CEP120: variants seen among roughly 807,000 people sequenced by gnomAD.
CEP120 encodes the protein centrosomal protein of 120 kDa.
Under a neutral mutation model 126.5 loss-of-function variants are expected in CEP120, and 113 were observed. The ratio of observed to expected loss-of-function variants is 0.89; its 90% CI spans 0.77 to 1.04. CEP120 has a LOEUF of 1.04. Among genes scored for constraint, CEP120 ranks in the 50% least tolerant of loss-of-function variants. The probability of loss-of-function intolerance (pLI) is 0.00; values close to 1 mark genes in which losing one functional copy is unlikely to be tolerated. For synonymous variants in CEP120, 400 were observed against 394.3 expected, an observed-to-expected ratio of 1.01 and a Z score of -0.17; for missense variants, 1,230 against 1,155.7, an observed-to-expected ratio of 1.06 and a Z score of -0.93.
At position 123,393,051 on chromosome 5, in the gene CEP120, T is replaced by A. The variant is rs537797460; in HGVS notation, c.810+249A>T. Among the ~76,000 whole-genome samples the A allele has an allele frequency of 3.3e-5, 5 of 152,214 alleles. No homozygotes were observed. The South Asian group carries it at 1.0e-3, about 32-fold the overall frequency. Reference sequence around the variant, plus strand: ...AATTTTTTTTATTGCAAAGGACTGATAACTGATATACCTCTTTTCTCAATT... The same window carrying A: ...AATTTTTTTTATTGCAAAGGACTGAAAACTGATATACCTCTTTTCTCAATT... On this transcript the variant is annotated intron_variant, in intron 6 of 19. Coordinates refer to ENST00000306467, the MANE Select transcript of CEP120 (RefSeq NM_001375405.1).
chr5:123,348,964 G>C (rs905115405), intron 19 of CEP120, among the ~76,000 whole-genome samples: 1 of 151,958 alleles, frequency 6.6e-6, no homozygotes, highest in Non-Finnish European at 1.5e-5. Flanking sequence ...CCCAGTCTGT[G>C]GTATTTTTTT....
chr5:123,379,590 G>T (rs552212174), intron 14 of CEP120, among the ~76,000 whole-genome samples: 1 of 151,804 alleles, frequency 6.6e-6, no homozygotes, highest in Non-Finnish European at 1.5e-5. Flanking sequence ...ACCAATAATG[G>T]ATCACTTAGG....
rs140232423 is a variant in CEP120, at chr5:123,382,814, G to C, written c.1936C>G (p.Arg646Gly). 1.3e-5 allele frequency: 21 copies of C among 1,613,216 alleles called. No individual in the cohort carries two copies. The highest frequency in any genetic ancestry group is 1.8e-5 in the Non-Finnish European group (21 of 1,179,626). The change falls in exon 13 of 20, where the codon CGT becomes GGT. Residue 646 changes from arginine (R) to glycine (G), a missense_variant. Physicochemically the swap from Arg to Gly is moderately radical, Grantham distance 125. Coordinates refer to ENST00000306467, the MANE Select transcript of CEP120 (RefSeq NM_001375405.1). ...PCPSEIQTEP[R>G]ETLEYKAALE... is the part of the protein sequence containing the mutation. ...GCTGCTTTGTATTCTAACGTTTCAC[G>C]AGGCTCTGTCTGGATCTCTGAAGGA...
intron 8 of CEP120, among the ~76,000 whole-genome samples, chr5:123,388,839 A>G (rs567508647): frequency 6.6e-6 from 1 of 152,364 alleles, no homozygotes; most frequent in South Asian, 2.1e-4. Context: ...CTCTCAATAC[A>G]TATAGAAAAC....
rs866718944 is a variant in CEP120, at chr5:123,383,039, C to A, written c.1807G>T (p.Glu603Ter). ...CGCATTTTTACTAGTCCATAATCTT[C>A]TAGAGTCACTGTGTAAGAAAGATCT... Reference protein sequence around the residue: ...IADLSYTVTLEDYGLVKMREI... With the variant: ...IADLSYTVTL The change falls in exon 12 of 20, where the codon GAA becomes TAA. Residue 603 changes from glutamate to a stop codon, truncating the protein, a stop_gained. Transcript: ENST00000306467. LOFTEE classifies it high-confidence loss of function. The A allele has an allele frequency of 6.3e-7, 1 of 1,581,512 alleles. No individual in the cohort carries two copies. The highest frequency in any genetic ancestry group is 8.7e-7 in the Non-Finnish European group (1 of 1,152,286).
intron 19 of CEP120, among the ~76,000 whole-genome samples, chr5:123,347,344 CAACA>C (rs886903690): frequency 3.3e-5 from 5 of 152,046 alleles, no homozygotes; most frequent in African/African-American, 1.2e-4. Context: ...AAAATTCATT[CAACA>C]AACATTTATT....
intron 10 of CEP120, 55 bp downstream of exon 10, chr5:123,386,463 A>G: frequency 8.1e-7 from 1 of 1,233,126 alleles, no homozygotes; most frequent in Non-Finnish European, 1.1e-6. Flanking sequence ...TAAAATACAA[A>G]TTTTCAAGAA....
chr5:123,401,046 G>C, intron 4 of CEP120: 1 of 1,561,490 alleles, frequency 6.4e-7, no homozygotes, highest in Non-Finnish European at 8.7e-7. Context: ...GCTGAGGCCG[G>C]GGCTTGTGAG....
chr5:123,417,849 C>T (rs1580746643), intron 2 of CEP120, among the ~76,000 whole-genome samples: 1 of 152,230 alleles, frequency 6.6e-6, no homozygotes, highest in East Asian at 1.9e-4. Flanking sequence ...TCTCAGGCCT[C>T]GGTTTCCTCA....
chr5:123,385,912 A>G (rs964012691), intron 10 of CEP120, among the ~76,000 whole-genome samples: 7 of 152,214 alleles, frequency 4.6e-5, no homozygotes, highest in East Asian at 1.9e-4. Context: ...GCCTACTATT[A>G]TATTTTTTGT....
intron 14 of CEP120, among the ~76,000 whole-genome samples, chr5:123,381,633 G>A (rs752964613): frequency 4.0e-4 from 60 of 151,888 alleles, no homozygotes; most frequent in Non-Finnish European, 8.4e-4. Flanking sequence ...TAGCTTAAAC[G>A]TTTGAGGCAT....
intron 1 of CEP120, chr5:123,422,511 CT>C (rs1774786573): frequency 1.3e-6 from 2 of 1,535,584 alleles, no homozygotes; most frequent in Non-Finnish European, 1.7e-6. Context: ...CTGTAGTCCC[CT>C]GAGTCCTCCA....
chr5:123,422,607 A>T, intron 1 of CEP120: 1 of 1,432,088 alleles, frequency 7.0e-7, no homozygotes, highest in Non-Finnish European at 9.5e-7. Flanking sequence ...TACAAGTGCT[A>T]TTATTGGGAA....
At chr5:123,403,128 T>C (rs1480227377) in intron 4 of CEP120, 1 of 365,160 alleles carries the variant, frequency 2.7e-6, no homozygotes, top group Non-Finnish European at 5.3e-6. Flanking sequence ...TGTATTTATA[T>C]GTGTGTGTAC....
chr5:123,377,171 A>G (rs1441736885), intron 16 of CEP120, among the ~76,000 whole-genome samples: 1 of 152,154 alleles, frequency 6.6e-6, no homozygotes, highest in Non-Finnish European at 1.5e-5. Context: ...TAAGTTGGAA[A>G]TGACCTGAAA....
intron 4 of CEP120, among the ~76,000 whole-genome samples, chr5:123,405,166 C>T (rs1430558838): frequency 1.3e-5 from 2 of 152,118 alleles, no homozygotes; most frequent in East Asian, 1.9e-4. Flanking sequence ...CAGGGAGCTA[C>T]GGAGAATCAC....
At position 123,379,386 on chromosome 5, in the gene CEP120, T is replaced by C. The variant is rs139345484; in HGVS notation, c.2104-958A>G. 3.0e-4 allele frequency among the ~76,000 whole-genome samples: 46 copies of C among 152,270 alleles called. No homozygotes were observed. In the East Asian group the frequency reaches 5.8e-3, roughly 19 times the overall value. ...AGCCACTGTACCTCCATCAGAATTA[T>C]TGTTATAGAATGAAAACCTAATTAT... On this transcript the variant is annotated intron_variant, in intron 14 of 19. Transcript: ENST00000306467.
intron 2 of CEP120, among the ~76,000 whole-genome samples, chr5:123,416,382 G>A (rs1159481171): frequency 6.6e-6 from 1 of 151,776 alleles, no homozygotes; most frequent in African/African-American, 2.4e-5. Flanking sequence ...CCAACATGGT[G>A]AAACCTCATC....
intron 4 of CEP120, among the ~76,000 whole-genome samples, chr5:123,409,953 C>G (rs144468076): frequency 0.022 from 2,702 of 125,234 alleles, 106 homozygotes; most frequent in African/African-American, 0.076. Flanking sequence ...GAGATCCTGT[C>G]TCAAAAAACA....
Sources: allele counts gnomAD v4.1 joint callset (sites outside exome capture counted in the v4.1 genomes callset), GRCh38; gene constraint gnomAD v4.1.1; transcripts MANE v1.5; gene names NCBI Gene and HGNC (gene_info 2026-07-23, HGNC 2026-07-21).